NXN: variants seen among roughly 807,000 people sequenced by gnomAD.
NXN encodes nucleoredoxin.
A neutral mutation model predicts 48.6 loss-of-function variants in NXN; 16 were observed. The observed-to-expected ratio is 0.33, with a 90% confidence interval of 0.22 to 0.50. The LOEUF (loss-of-function observed/expected upper bound fraction) is 0.50. NXN is among the 20% of genes least tolerant of loss of function. The pLI, the probability that NXN is intolerant of heterozygous loss-of-function variation, is 0.98. For synonymous variants in NXN, 281 were observed against 269.6 expected, an observed-to-expected ratio of 1.04 and a Z score of -0.41; for missense variants, 492 against 605.5, an observed-to-expected ratio of 0.81 and a Z score of 1.97.
At chr17:955,773 G>C (rs189357380) in intron 1 of NXN, among the ~76,000 whole-genome samples, 1,561 of 151,966 alleles carry the variant, frequency 0.01, 21 homozygotes, top group African/African-American at 0.034. Flanking sequence ...GTGGTGGCGG[G>C]CGCCTGTAGT....
At chr17:889,103 G>A (rs2068381259) in intron 1 of NXN, among the ~76,000 whole-genome samples, 1 of 152,178 alleles carries the variant, frequency 6.6e-6, no homozygotes, top group African/African-American at 2.4e-5. Flanking sequence ...GATGGATTGT[G>A]GTCAGGAAAC....
intron 1 of NXN, among the ~76,000 whole-genome samples, chr17:955,391 A>C (rs1338247471): frequency 1.3e-5 from 2 of 150,054 alleles, no homozygotes; most frequent in African/African-American, 2.4e-5. Context: ...GCTGGTCTCG[A>C]ACTCCTGACC....
chr17:963,241 C>T (rs998056301), intron 1 of NXN, among the ~76,000 whole-genome samples: 3 of 133,926 alleles, frequency 2.2e-5, no homozygotes, highest in Non-Finnish European at 4.5e-5. Context: ...ACACACACAC[C>T]CCTTTCATTT....
At chr17:968,489 C>T (rs2069333236) in intron 1 of NXN, among the ~76,000 whole-genome samples, 1 of 152,106 alleles carries the variant, frequency 6.6e-6, no homozygotes, top group African/African-American at 2.4e-5. Context: ...GGGAGGACTG[C>T]CTGGGCCCAG....
At chr17:926,344 A>G (rs1472236201) in intron 1 of NXN, among the ~76,000 whole-genome samples, 3 of 151,484 alleles carry the variant, frequency 2.0e-5, no homozygotes, top group East Asian at 1.9e-4. Flanking sequence ...GCACCACTAC[A>G]CCCGGCTAAT....
intron 1 of NXN, among the ~76,000 whole-genome samples, chr17:947,775 C>T (rs111660452): frequency 0.02 from 2,900 of 146,446 alleles, 101 homozygotes; most frequent in African/African-American, 0.068. Context: ...TGGTGGCTCA[C>T]GCCTGTAATC....
chr17:925,138 C>T (rs1055464952), intron 1 of NXN, among the ~76,000 whole-genome samples: 2 of 150,514 alleles, frequency 1.3e-5, no homozygotes, highest in Admixed American at 6.6e-5. Flanking sequence ...CGCAGAAGCA[C>T]CAAAGGAGAG....
At chr17:810,029 G>C (rs956688746) in intron 5 of NXN, among the ~76,000 whole-genome samples, 2 of 130,546 alleles carry the variant, frequency 1.5e-5, no homozygotes, top group Non-Finnish European at 3.3e-5. Context: ...TGCACGTTAA[G>C]AGTCCGTGTG....
chr17:928,471 G>T (rs1294942801), intron 1 of NXN, among the ~76,000 whole-genome samples: 5 of 152,172 alleles, frequency 3.3e-5, no homozygotes, highest in Admixed American at 3.3e-4. Context: ...CTAGAGGGAA[G>T]TTTCTCACTG....
intron 1 of NXN, among the ~76,000 whole-genome samples, chr17:862,517 C>T (rs1201291756): frequency 6.6e-6 from 1 of 152,210 alleles, no homozygotes; most frequent in African/African-American, 2.4e-5. Flanking sequence ...GGGCAAGACC[C>T]TGTCTCTTAA....
At chr17:886,400 A>G (rs144503975) in intron 1 of NXN, among the ~76,000 whole-genome samples, 1 of 152,298 alleles carries the variant, frequency 6.6e-6, no homozygotes, top group Non-Finnish European at 1.5e-5. Context: ...GAGACGTAAG[A>G]TAGATTCTGC....
intron 1 of NXN, among the ~76,000 whole-genome samples, chr17:847,880 A>G (rs60042031): frequency 0.018 from 2,779 of 152,314 alleles, 37 homozygotes; most frequent in African/African-American, 0.038. Flanking sequence ...GATGTAGAAT[A>G]AGAAAAAACA....
intron 1 of NXN, among the ~76,000 whole-genome samples, chr17:832,356 T>TTC (rs1913528477): frequency 1.3e-5 from 2 of 150,684 alleles, no homozygotes; most frequent in South Asian, 4.2e-4. Flanking sequence ...ATTTTGTATT[T>TTC]TTTTTTTTTT....
intron 5 of NXN, 176 bp downstream of exon 5, chr17:819,263 T>C: frequency 1.5e-6 from 1 of 650,538 alleles, no homozygotes; most frequent in African/African-American, 1.8e-5. Context: ...ACTTATTTTT[T>C]AAAAATGGCT....
intron 1 of NXN, among the ~76,000 whole-genome samples, chr17:884,240 AAATAAAT>A (rs1251698681): frequency 5.5e-4 from 80 of 145,996 alleles, no homozygotes; most frequent in African/African-American, 1.8e-3. Flanking sequence ...ATAAATAAAT[AAATAAAT>A]AATAAAACGA....
At chr17:803,133 A>G (rs1363378586) in intron 7 of NXN, among the ~76,000 whole-genome samples, 1 of 152,094 alleles carries the variant, frequency 6.6e-6, no homozygotes, top group African/African-American at 2.4e-5. Context: ...CCACTTTCCC[A>G]CCCTGTGAAG....
chr17:929,245 C>G (rs902769619), intron 1 of NXN, among the ~76,000 whole-genome samples: 1 of 152,250 alleles, frequency 6.6e-6, no homozygotes, highest in Non-Finnish European at 1.5e-5. Context: ...CTCTGTCCCC[C>G]ACCACCTGGC....
At chr17:900,035 G>A (rs2068522742) in intron 1 of NXN, among the ~76,000 whole-genome samples, 4 of 152,210 alleles carry the variant, frequency 2.6e-5, no homozygotes, top group Admixed American at 2.0e-4. Context: ...GGAGGCCGAG[G>A]CAGGCGGATC....
chr17:812,690 A>C (rs985499212), intron 5 of NXN, among the ~76,000 whole-genome samples: 6 of 107,880 alleles, frequency 5.6e-5, no homozygotes, highest in African/African-American at 6.3e-5. Context: ...GTGTGTGCAC[A>C]TATGAATGTA....
Sources: gnomAD v4.1 joint callset for allele counts (sites outside exome capture counted in the v4.1 genomes callset) on GRCh38, gnomAD v4.1.1 for gene constraint, MANE v1.5 for transcripts, NCBI Gene and HGNC (gene_info 2026-07-23, HGNC 2026-07-21) for gene names.